GGA2: variants seen among roughly 807,000 people sequenced by gnomAD.
The protein encoded by GGA2 is golgi associated, gamma adaptin ear containing, ARF binding protein 2.
Under a neutral mutation model 79.5 loss-of-function variants are expected in GGA2, and 48 were observed. The ratio of observed to expected loss-of-function variants is 0.60; its 90% CI spans 0.48 to 0.77. The LOEUF (loss-of-function observed/expected upper bound fraction) is 0.77, where lower values mean the gene tolerates loss of function less well. Among genes scored for constraint, GGA2 ranks in the 30% least tolerant of loss-of-function variants. GGA2 has a pLI of 0.00. For synonymous variants in GGA2, 317 were observed against 302.0 expected, an observed-to-expected ratio of 1.05 and a Z score of -0.51; for missense variants, 770 against 774.0, an observed-to-expected ratio of 0.99 and a Z score of 0.06.
At chr16:23,499,172 T>G (rs1596992772) in intron 1 of GGA2, among the ~76,000 whole-genome samples, 5 of 139,480 alleles carry the variant, frequency 3.6e-5, no homozygotes, top group East Asian at 2.1e-4. Context: ...TGATATGGAG[T>G]CTCGCTCTGT....
chr16:23,474,338 C>T (rs1964549866), intron 14 of GGA2, among the ~76,000 whole-genome samples: 1 of 152,062 alleles, frequency 6.6e-6, no homozygotes, highest in African/African-American at 2.4e-5. Flanking sequence ...GCTAAGAAAT[C>T]AGCTAAAAGA....
intron 8 of GGA2, 131 bp downstream of exon 8, chr16:23,485,884 C>T (rs551489484): frequency 1.5e-5 from 12 of 819,552 alleles, no homozygotes; most frequent in East Asian, 7.6e-5. Flanking sequence ...AGCAGCACAA[C>T]GACATTTGGG....
intron 13 of GGA2, 92 bp from the exon 14 acceptor site, chr16:23,475,153 A>AACAC (rs370349546): frequency 2.8e-4 from 185 of 667,150 alleles, no homozygotes; most frequent in South Asian, 1.9e-3. Flanking sequence ...AGGAAAAAAT[A>AACAC]ACACACACAC....
chr16:23,468,670 C>T (rs1964472128), intron 16 of GGA2, among the ~76,000 whole-genome samples: 1 of 151,816 alleles, frequency 6.6e-6, no homozygotes, highest in South Asian at 2.1e-4. Context: ...GATGGGGTTT[C>T]ACCATGTTGG....
At chr16:23,477,368 G>A (rs1274604988) in intron 13 of GGA2, among the ~76,000 whole-genome samples, 1 of 152,302 alleles carries the variant, frequency 6.6e-6, no homozygotes, top group East Asian at 1.9e-4. Context: ...TCTCACGGTA[G>A]TAAGTCTCAT....
intron 4 of GGA2, among the ~76,000 whole-genome samples, chr16:23,492,770 G>A (rs1239893579): frequency 1.3e-5 from 2 of 152,268 alleles, no homozygotes; most frequent in Admixed American, 1.3e-4. Context: ...TGGGGATGCA[G>A]AAGTGCAGCA....
chr16:23,506,511 G>A (rs1172633858), intron 1 of GGA2, among the ~76,000 whole-genome samples: 3 of 152,182 alleles, frequency 2.0e-5, no homozygotes, highest in African/African-American at 7.2e-5. Context: ...AAACATGGCA[G>A]TATCTGGTGA....
chr16:23,471,811 C>T (rs1964514374), intron 14 of GGA2, among the ~76,000 whole-genome samples: 1 of 152,060 alleles, frequency 6.6e-6, no homozygotes, highest in South Asian at 2.1e-4. Context: ...GGGTCTGAGG[C>T]AGGAGGATTG....
Position 23,463,717 on chromosome 16 carries a change from G to A in GGA2, c.*3873C>T, listed in dbSNP as rs1026031909. The A allele has an allele frequency of 2.0e-5, 3 of 152,270 alleles. No individual in the cohort carries two copies. The highest frequency in any genetic ancestry group is 4.8e-5 in the African/African-American group (2 of 41,460). 9.4% of individuals were successfully genotyped at this position (152,270 alleles called of 1,614,324 possible). ...GGTCAGGACATGGTGGCTCATGCCTGTAATCCCAGCACTTTGGGAGGTCAA... is the reference window on the plus strand; with the variant it reads ...GGTCAGGACATGGTGGCTCATGCCTATAATCCCAGCACTTTGGGAGGTCAA... On this transcript the variant is annotated 3_prime_UTR_variant, in exon 17 of 17. Transcript: ENST00000309859.
At chr16:23,509,825 T>C (rs1250946573) in intron 1 of GGA2, among the ~76,000 whole-genome samples, 1 of 149,580 alleles carries the variant, frequency 6.7e-6, no homozygotes, top group East Asian at 2.0e-4. Flanking sequence ...ACACAAAAGG[T>C]AAAAAATTTC....
rs200839095 is a variant in GGA2 at position 23,474,943 on chromosome 16, G to A, written c.1411C>T (p.Leu471=). ...APSPSSQNTP[L]AQVFVPLESV... ...TCCAAAGGGACAAACACTTGAGCCAGAGGTGTATTCTGTGAAGATGGGGAA... is the reference window on the plus strand; with the variant it reads ...TCCAAAGGGACAAACACTTGAGCCAAAGGTGTATTCTGTGAAGATGGGGAA... Residue 471 remains leucine, a synonymous_variant, in exon 14 of 17, where the codon CTG becomes TTG. Coordinates refer to ENST00000309859, the MANE Select transcript of GGA2 (RefSeq NM_015044.4). 23 of 1,613,338 alleles carry A rather than the reference G, an allele frequency of 1.4e-5. No homozygotes were observed. In the East Asian group the frequency reaches 3.8e-4, roughly 27 times the overall value.
intron 1 of GGA2, among the ~76,000 whole-genome samples, chr16:23,499,477 T>C (rs1446326606): frequency 6.6e-6 from 1 of 152,040 alleles, no homozygotes; most frequent in African/African-American, 2.4e-5. Flanking sequence ...AAAAAACCTC[T>C]CTGAGGTTAA....
upstream of GGA2, chr16:23,524,216 T>A: frequency 1.4e-6 from 1 of 704,390 alleles, no homozygotes; most frequent in Admixed American, 2.3e-5. Context: ...CTGTGGTGGA[T>A]CACAAATGCA....
At position 23,486,108 on chromosome 16, in the gene GGA2, C is replaced by G; in HGVS notation, c.705G>C (p.Val235=). Residue 235 remains valine (V), a synonymous_variant, in exon 8 of 17, where the codon GTG becomes GTC. Transcript: ENST00000309859. Reference sequence around the variant, plus strand: ...CCTTCACATGGCTTCGCACTTCCTCCACCGCACTGACCCTCTTGGACACCT... The same window carrying G: ...CCTTCACATGGCTTCGCACTTCCTCGACCGCACTGACCCTCTTGGACACCT... ...SEKVSKRVSA[V]EEVRSHVKVL... 6.2e-7 allele frequency: 1 copy of G among 1,613,730 alleles called. No homozygotes were observed. The highest frequency in any genetic ancestry group is 8.5e-7 in the Non-Finnish European group (1 of 1,179,590).
chr16:23,492,572 C>T (rs1964802663), intron 4 of GGA2, among the ~76,000 whole-genome samples: 2 of 152,168 alleles, frequency 1.3e-5, no homozygotes, highest in South Asian at 4.1e-4. Flanking sequence ...AGCTCAGAGT[C>T]CAGGGGAGGG....
At chr16:23,510,614 T>G, upstream of GGA2, 1 of 379,804 alleles carries the variant, frequency 2.6e-6, no homozygotes, top group African/African-American at 2.1e-5. Flanking sequence ...CACCCAGCGC[T>G]GGTCTTCTAA....
At chr16:23,518,437 G>C (rs918869571) in intron 2 of GGA2, among the ~76,000 whole-genome samples, 1 of 151,918 alleles carries the variant, frequency 6.6e-6, no homozygotes, top group Non-Finnish European at 1.5e-5. Context: ...GGTCTTAAAC[G>C]CCTGTGCTCA....
At chr16:23,469,355 T>A (rs1409523428) in intron 15 of GGA2, 2 of 222,500 alleles carry the variant, frequency 9.0e-6, no homozygotes. Context: ...GGTTAACTTA[T>A]AAAACAGAGG....
At chr16:23,493,481 G>C (rs1260340467) in intron 3 of GGA2, 23 bp from the exon 4 acceptor site, 1 of 1,466,102 alleles carries the variant, frequency 6.8e-7, no homozygotes, top group Non-Finnish European at 9.6e-7. Flanking sequence ...AGGACCCCCA[G>C]GAGAAGGTGG....
Sources: gnomAD v4.1 joint callset for allele counts (sites outside exome capture counted in the v4.1 genomes callset) on GRCh38, gnomAD v4.1.1 for gene constraint, MANE v1.5 for transcripts, NCBI Gene and HGNC (gene_info 2026-07-23, HGNC 2026-07-21) for gene names.